Variants in WDR59 observed in about 807,000 individuals in gnomAD.
WDR59 encodes the protein GATOR2 complex protein WDR59.
In WDR59, 100 loss-of-function variants were observed where a neutral mutation model predicts 131.2. The observed-to-expected ratio is 0.76, with a 90% CI of 0.65 to 0.90. The LOEUF (loss-of-function observed/expected upper bound fraction) is 0.90, where lower values mean the gene tolerates loss of function less well. Ranked by LOEUF, WDR59 falls within the 40% of genes least tolerant of loss-of-function variation. The pLI, the probability that WDR59 is intolerant of heterozygous loss-of-function variation, is 0.00. For synonymous variants in WDR59, 601 were observed against 466.2 expected (o/e 1.29, Z -3.72); for missense variants, 1,203 against 1,262.2 (o/e 0.95, Z 0.71).
rs200740223 is a variant in WDR59 at position 74,949,354 on chromosome 16, A to G, written c.407+364T>C. ...TCAAAAAAAAAAAAAAAAAAAAAAAAGAAAGGAAAGAAAGAGAGGAAGGAA... is the reference window on the plus strand; with the variant it reads ...TCAAAAAAAAAAAAAAAAAAAAAAAGGAAAGGAAAGAAAGAGAGGAAGGAA... On this transcript the variant is annotated intron_variant, in intron 5 of 25. Coordinates refer to ENST00000262144, the MANE Select transcript of WDR59 (RefSeq NM_030581.4). Among the ~76,000 whole-genome samples the G allele has an allele frequency of 3.5e-5, 5 of 141,656 alleles. No homozygotes were observed. In the East Asian group the frequency reaches 1.0e-3, roughly 29 times the overall value. 92.9% of individuals were successfully genotyped at this position (141,656 alleles called of 152,430 possible).
At position 74,951,601 on chromosome 16, in the gene WDR59, C is replaced by A. The variant is rs1014709143; in HGVS notation, c.241-58G>T. The A allele has an allele frequency of 2.0e-6, 3 of 1,466,784 alleles. No individual in the cohort carries two copies. The Admixed American group carries it at 5.9e-5, about 29-fold the overall frequency. The allele number at this position is 1,466,784 out of a possible 1,614,324, so 90.9% of individuals were successfully genotyped here. On this transcript the variant is annotated intron_variant, in intron 3 of 25. Transcript: ENST00000262144. ...TATGTTGGGATATATGGTCTTGCCC[C>A]AATCAGCTTAAGGCAGTGAAGAGGA...
chr16:74,948,096 A>T (rs2032760172), intron 6 of WDR59, among the ~76,000 whole-genome samples: 1 of 152,156 alleles, frequency 6.6e-6, no homozygotes, highest in South Asian at 2.1e-4. Flanking sequence ...CACAAGGGGG[A>T]TGAAGGTGGA....
chr16:74,937,088 A>C (rs1341551821), intron 8 of WDR59, among the ~76,000 whole-genome samples: 1 of 152,218 alleles, frequency 6.6e-6, no homozygotes, highest in Admixed American at 6.5e-5. Context: ...CTGTGGTCAA[A>C]CCCCTGTCCT....
At chr16:74,926,588 G>A (rs1451934231) in intron 8 of WDR59, among the ~76,000 whole-genome samples, 1 of 152,090 alleles carries the variant, frequency 6.6e-6, no homozygotes, top group Non-Finnish European at 1.5e-5. Context: ...TCTCACACTG[G>A]CCTTCTCTGT....
chr16:74,972,821 T>TAAA (rs57885889), intron 1 of WDR59, among the ~76,000 whole-genome samples: 1,127 of 55,092 alleles, frequency 0.02, 21 homozygotes, highest in Middle Eastern at 0.091. Context: ...GACTCTGTCT[T>TAAA]AAAAAAAAAA....
At chr16:74,911,186 A>G (rs529190614) in intron 14 of WDR59, among the ~76,000 whole-genome samples, 1 of 150,102 alleles carries the variant, frequency 6.7e-6, no homozygotes. Flanking sequence ...TTCACACACA[A>G]AAGAGTTCGC....
intron 23 of WDR59, among the ~76,000 whole-genome samples, chr16:74,887,243 C>CA (rs1491109213): frequency 2.0e-5 from 3 of 147,560 alleles, no homozygotes; most frequent in African/African-American, 7.4e-5. Context: ...TTTTAAAAAC[C>CA]TTTTTTTTTT....
At chr16:74,951,976 C>CCA (rs1462425302) in intron 3 of WDR59, among the ~76,000 whole-genome samples, 1 of 152,034 alleles carries the variant, frequency 6.6e-6, no homozygotes, top group Non-Finnish European at 1.5e-5. Context: ...AGTCCACCTA[C>CCA]CACAGGTTTT....
chr16:74,885,502 T>A, intron 25 of WDR59, 151 bp downstream of exon 25: 1 of 698,908 alleles, frequency 1.4e-6, no homozygotes, highest in Non-Finnish European at 2.1e-6. Flanking sequence ...ATGCAAGGGC[T>A]TTTCAGATGC....
rs756003450 is a variant in WDR59 at position 74,885,659 on chromosome 16, C to G, written c.2683G>C (p.Gly895Arg). 1.9e-5 allele frequency: 30 copies of G among 1,613,800 alleles called. No individual in the cohort carries two copies. Among genetic ancestry groups the G allele is most frequent in the Non-Finnish European group, 2.5e-5 (29 of 1,179,954 alleles). The change falls in exon 25 of 26, where the codon GGG (glycine) becomes CGG (arginine). Residue 895 changes from glycine (G) to arginine (R), a missense_variant. By Grantham distance (125) the Gly-to-Arg change is moderately radical. Coordinates refer to ENST00000262144, the MANE Select transcript of WDR59 (RefSeq NM_030581.4). The stretch of plus-strand genomic sequence containing the variant: ...GAGAGAAATTCATACTCACCGATCC[C>G]TTTGTGAGGGTCAGGAGGACAGGAG... Reference protein sequence around the residue: ...FVSCPPDPHKGIEFGVYCSHC... With the variant: ...FVSCPPDPHKRIEFGVYCSHC...
chr16:74,950,246 G>T (rs932856491), intron 4 of WDR59, among the ~76,000 whole-genome samples: 1 of 152,132 alleles, frequency 6.6e-6, no homozygotes, highest in Non-Finnish European at 1.5e-5. Context: ...AGAATCATTT[G>T]AACCTGGGAG....
chr16:74,898,523 G>A (rs1171749963), intron 18 of WDR59, among the ~76,000 whole-genome samples: 1 of 152,186 alleles, frequency 6.6e-6, no homozygotes, highest in Non-Finnish European at 1.5e-5. Flanking sequence ...ATGGAGTTAT[G>A]GCAAAGAGGA....
At chr16:74,906,367 A>C (rs1011066962) in intron 17 of WDR59, among the ~76,000 whole-genome samples, 20 of 150,992 alleles carry the variant, frequency 1.3e-4, no homozygotes, top group African/African-American at 4.9e-4. Flanking sequence ...AGAATGGCTA[A>C]AGTTGAAAGG....
intron 2 of WDR59, among the ~76,000 whole-genome samples, chr16:74,959,003 G>A (rs1424133283): frequency 6.6e-6 from 1 of 152,118 alleles, no homozygotes; most frequent in African/African-American, 2.4e-5. Context: ...GGGATGCAGT[G>A]AGCCGAGATC....
chr16:74,924,705 C>G (rs1266925582), intron 8 of WDR59, among the ~76,000 whole-genome samples: 2 of 152,176 alleles, frequency 1.3e-5, no homozygotes, highest in Non-Finnish European at 2.9e-5. Flanking sequence ...GCAGGAAAGC[C>G]AAGAGTGAAA....
At chr16:74,887,000 G>A (rs113654614) in intron 23 of WDR59, among the ~76,000 whole-genome samples, 19 of 152,044 alleles carry the variant, frequency 1.2e-4, no homozygotes, top group Non-Finnish European at 1.8e-4. Flanking sequence ...CATTATTTAC[G>A]AGGACTTTTT....
intron 10 of WDR59, 110 bp downstream of exon 10, chr16:74,921,837 A>G (rs2030262124): frequency 2.2e-6 from 3 of 1,382,694 alleles, no homozygotes; most frequent in South Asian, 3.0e-5. Context: ...TCTGGTTCCT[A>G]AAGCCCAGCT....
chr16:74,927,187 T>C (rs1447154213), intron 8 of WDR59, among the ~76,000 whole-genome samples: 1 of 152,194 alleles, frequency 6.6e-6, no homozygotes, highest in Non-Finnish European at 1.5e-5. Context: ...ATGATTTAGA[T>C]TGAAAAGTTT....
At chr16:74,877,962 G>T (rs1185787899) in intron 25 of WDR59, among the ~76,000 whole-genome samples, 1 of 152,094 alleles carries the variant, frequency 6.6e-6, no homozygotes, top group Non-Finnish European at 1.5e-5. Flanking sequence ...TTCTCAAACT[G>T]CCCTTTCCCA....
Sources: allele counts gnomAD v4.1 joint callset (sites outside exome capture counted in the v4.1 genomes callset), GRCh38; gene constraint gnomAD v4.1.1; transcripts MANE v1.5; gene names NCBI Gene and HGNC (gene_info 2026-07-23, HGNC 2026-07-21).